UNC13C: variants seen among roughly 807,000 people sequenced by gnomAD.
The protein encoded by UNC13C is protein unc-13 homolog C.
A neutral mutation model predicts 245.4 loss-of-function variants in UNC13C; 174 were observed. The ratio of observed to expected loss-of-function variants is 0.71; its 90% CI spans 0.63 to 0.80. The LOEUF is 0.80. Among genes scored for constraint, UNC13C ranks in the 30% least tolerant of loss-of-function variants. The probability of loss-of-function intolerance (pLI) is 0.00; values close to 1 mark genes in which losing one functional copy is unlikely to be tolerated. For synonymous variants in UNC13C, 992 were observed against 895.1 expected (o/e 1.11, Z -1.93); for missense variants, 2,829 against 2,602.9 (o/e 1.09, Z -1.89).
intron 19 of UNC13C, among the ~76,000 whole-genome samples, chr15:54,476,961 G>A (rs1459335715): frequency 1.4e-5 from 2 of 138,468 alleles, no homozygotes; most frequent in African/African-American, 2.7e-5. Flanking sequence ...TCTTCCATTT[G>A]TTTGTATCCT....
intron 30 of UNC13C, among the ~76,000 whole-genome samples, chr15:54,599,482 G>C (rs1425362517): frequency 6.6e-6 from 1 of 151,840 alleles, no homozygotes; most frequent in East Asian, 1.9e-4. Context: ...TATGCTATTT[G>C]TGGATAAAAA....
intron 24 of UNC13C, chr15:54,512,365 A>G: frequency 2.2e-6 from 1 of 455,916 alleles, no homozygotes; most frequent in Non-Finnish European, 4.4e-6. Context: ...AAGGAGAAAG[A>G]TTCTTTTATG....
At chr15:54,122,064 C>G (rs1440328138) in intron 2 of UNC13C, among the ~76,000 whole-genome samples, 1 of 151,722 alleles carries the variant, frequency 6.6e-6, no homozygotes, top group East Asian at 1.9e-4. Flanking sequence ...TTTAATGTAG[C>G]CAGTAATATT....
Position 54,014,490 on chromosome 15 carries a change from A to G in UNC13C, c.1587A>G (p.Ala529=). 6.2e-7 allele frequency: 1 copy of G among 1,613,832 alleles called. No individual in the cohort carries two copies. The highest frequency in any genetic ancestry group is 8.5e-7 in the Non-Finnish European group (1 of 1,179,812). ...ILEKQTTTHY[A]DATPLWHSQS... Reference sequence around the variant, plus strand: ...AAAAGCAAACCACAACCCATTATGCAGATGCAACACCTCTCTGGCACTCAC... The same window carrying G: ...AAAAGCAAACCACAACCCATTATGCGGATGCAACACCTCTCTGGCACTCAC... The change falls in exon 2 of 33, where the codon GCA becomes GCG. Residue 529 remains alanine (A), a synonymous_variant. Coordinates refer to ENST00000260323, the MANE Select transcript of UNC13C (RefSeq NM_001080534.3).
At chr15:53,908,708 C>T in the UNC13C span, among the ~76,000 whole-genome samples, 2 of 128,204 alleles carry the variant, frequency 1.6e-5, 1 homozygote, top group South Asian at 5.4e-4. Flanking sequence ...GACGAGATTG[C>T]ACCACTGCAC....
At chr15:53,979,147 C>A (rs891252519) in intron 1 of UNC13C, among the ~76,000 whole-genome samples, 6 of 151,946 alleles carry the variant, frequency 3.9e-5, no homozygotes, top group Non-Finnish European at 7.4e-5. Flanking sequence ...AAAAAGAATT[C>A]AGAATGATAA....
the UNC13C span, among the ~76,000 whole-genome samples, chr15:53,960,753 C>A: frequency 6.6e-6 from 1 of 152,016 alleles, no homozygotes; most frequent in Non-Finnish European, 1.5e-5. Context: ...GTCAATAAAT[C>A]CTAGCATCTA....
chr15:54,207,460 C>A (rs1352150773), intron 4 of UNC13C, among the ~76,000 whole-genome samples: 5 of 152,004 alleles, frequency 3.3e-5, no homozygotes, highest in African/African-American at 1.2e-4. Flanking sequence ...GCCCTCACCA[C>A]ACATAGCTGC....
At chr15:54,183,282 G>A (rs1340367704) in intron 4 of UNC13C, among the ~76,000 whole-genome samples, 1 of 151,334 alleles carries the variant, frequency 6.6e-6, no homozygotes, top group Non-Finnish European at 1.5e-5. Context: ...AAATGGTGCT[G>A]ATTGTACATA....
chr15:53,901,330 C>T, the UNC13C span, among the ~76,000 whole-genome samples: 1 of 151,352 alleles, frequency 6.6e-6, no homozygotes, highest in Non-Finnish European at 1.5e-5. Context: ...TGCCATTCTC[C>T]TGCTTCAGCC....
chr15:54,372,503 C>T (rs1223636962), intron 17 of UNC13C, among the ~76,000 whole-genome samples: 1 of 152,304 alleles, frequency 6.6e-6, no homozygotes, highest in South Asian at 2.1e-4. Context: ...AAAATAACCA[C>T]ACTCTTGAAG....
At position 54,013,951 on chromosome 15, in the gene UNC13C, G is replaced by A. The variant is rs760149670; in HGVS notation, c.1048G>A (p.Asp350Asn). Residue 350 changes from aspartate (D) to asparagine (N), a missense_variant, in exon 2 of 33, where the codon GAT (aspartate) becomes AAT (asparagine). Physicochemically the swap from Asp to Asn is conservative, Grantham distance 23. Coordinates refer to ENST00000260323, the MANE Select transcript of UNC13C (RefSeq NM_001080534.3). ...TCTAATAGATAAAATGGGTTTTTCAGATGCACCAAATGCTATTAAAATTGA... is the reference window on the plus strand; with the variant it reads ...TCTAATAGATAAAATGGGTTTTTCAAATGCACCAAATGCTATTAAAATTGA... ...QILIDKMGFS[D>N]APNAIKIEFA... is the part of the protein sequence containing the mutation. 1.2e-6 allele frequency: 2 copies of A among 1,613,272 alleles called. No individual in the cohort carries two copies. The highest frequency in any genetic ancestry group is 1.1e-5 in the South Asian group (1 of 91,032).
intron 11 of UNC13C, among the ~76,000 whole-genome samples, chr15:54,297,199 C>T (rs185246858): frequency 5.3e-5 from 8 of 152,224 alleles, no homozygotes; most frequent in South Asian, 4.1e-4. Flanking sequence ...TATTTAATTT[C>T]ATTGTATAAA....
At chr15:54,451,772 T>A (rs186062803) in intron 19 of UNC13C, among the ~76,000 whole-genome samples, 1 of 152,242 alleles carries the variant, frequency 6.6e-6, no homozygotes, top group African/African-American at 2.4e-5. Context: ...TTCTTTTTCA[T>A]TGGAATATGT....
At chr15:54,600,147 G>T (rs906249532) in intron 30 of UNC13C, among the ~76,000 whole-genome samples, 4 of 151,996 alleles carry the variant, frequency 2.6e-5, no homozygotes, top group Non-Finnish European at 5.9e-5. Context: ...ATTTGTCAGG[G>T]CATAATAAAT....
chr15:54,236,584 C>G, intron 6 of UNC13C, 149 bp downstream of exon 6: 1 of 636,952 alleles, frequency 1.6e-6, no homozygotes, highest in Non-Finnish European at 2.6e-6. Context: ...AATTTAACCT[C>G]TGGTTCAATT....
chr15:54,130,017 A>T (rs1595889730), intron 2 of UNC13C, among the ~76,000 whole-genome samples: 3 of 151,590 alleles, frequency 2.0e-5, no homozygotes. Flanking sequence ...CTTCTGTTAC[A>T]TTAAATTTAT....
At chr15:54,119,669 A>C (rs541251553) in intron 2 of UNC13C, among the ~76,000 whole-genome samples, 5 of 152,200 alleles carry the variant, frequency 3.3e-5, no homozygotes, top group Non-Finnish European at 5.9e-5. Context: ...GGCATGTCGA[A>C]AGTCAATAGG....
chr15:54,486,753 C>T (rs1283692568), intron 19 of UNC13C, among the ~76,000 whole-genome samples: 1 of 152,182 alleles, frequency 6.6e-6, no homozygotes. Context: ...AATACCCTTT[C>T]TCTTTCCATC....
Sources: allele counts gnomAD v4.1 joint callset (sites outside exome capture counted in the v4.1 genomes callset), GRCh38; gene constraint gnomAD v4.1.1; transcripts MANE v1.5; gene names NCBI Gene and HGNC (gene_info 2026-07-23, HGNC 2026-07-21).